Variants in RAB2A observed in about 807,000 individuals in gnomAD.
The protein encoded by RAB2A is RAB2A, member RAS oncogene family, also known as ras-related protein Rab-2A.
RAB2A carries 7 observed loss-of-function variants against 32.5 expected under a neutral mutation model. The observed-to-expected ratio is 0.22, with a 90% CI of 0.12 to 0.40. The LOEUF (loss-of-function observed/expected upper bound fraction) is 0.40, where lower values mean the gene tolerates loss of function less well. RAB2A is among the 10% of genes least tolerant of loss of function. The pLI is 1.00. For synonymous variants in RAB2A, 79 were observed against 85.2 expected (o/e 0.93, Z 0.40); for missense variants, 108 against 260.7 (o/e 0.41, Z 4.03).
At chr8:60,547,574 G>T (rs1454259471) in intron 1 of RAB2A, among the ~76,000 whole-genome samples, 26 of 145,516 alleles carry the variant, frequency 1.8e-4, no homozygotes, top group South Asian at 4.5e-4. Context: ...CTGGGCAGAG[G>T]GGCTCCTCAC....
chr8:60,540,875 A>G (rs981675686), intron 1 of RAB2A, among the ~76,000 whole-genome samples: 6 of 152,250 alleles, frequency 3.9e-5, no homozygotes, highest in African/African-American at 1.4e-4. Flanking sequence ...AGATGACATT[A>G]TATAAGACAC....
intron 1 of RAB2A, among the ~76,000 whole-genome samples, chr8:60,534,233 A>G (rs964739140): frequency 1.3e-5 from 2 of 152,250 alleles, no homozygotes; most frequent in East Asian, 1.9e-4. Context: ...TGCCAGTACT[A>G]TGTTGTGACA....
chr8:60,581,101 T>C (rs564278710), intron 3 of RAB2A, among the ~76,000 whole-genome samples: 10 of 152,228 alleles, frequency 6.6e-5, no homozygotes, highest in Admixed American at 6.5e-4. Context: ...TGCTGAACTC[T>C]ATATATACTA....
Position 60,592,008 on chromosome 8 carries a change from TA to T in RAB2A, c.474+41del, listed in dbSNP as rs994127590. On this transcript the variant is annotated intron_variant, in intron 6 of 7. Transcript: ENST00000262646. ...CCTTTAAAATCTTCATCTTTATACT[TA>T]ATAGAAATGTTTTATATATCTTCAT... 5 of 1,218,224 alleles carry T rather than the reference TA, an allele frequency of 4.1e-6. No individual in the cohort carries two copies. In the African/African-American group the frequency reaches 7.7e-5, roughly 19 times the overall value. 75.5% of individuals were successfully genotyped at this position (1,218,224 alleles called of 1,614,324 possible).
At chr8:60,606,143 C>T (rs894420063) in intron 6 of RAB2A, among the ~76,000 whole-genome samples, 5 of 150,712 alleles carry the variant, frequency 3.3e-5, no homozygotes, top group African/African-American at 5.0e-5. Context: ...AGTGAGACTC[C>T]GTCTTAGAAA....
chr8:60,523,862 TTG>T (rs2130805404), intron 1 of RAB2A, among the ~76,000 whole-genome samples: 1 of 152,112 alleles, frequency 6.6e-6, no homozygotes, highest in East Asian at 1.9e-4. Flanking sequence ...GGCTAATTTT[TTG>T]TGTTTTTAGT....
chr8:60,582,377 A>G (rs1380034625), intron 3 of RAB2A, among the ~76,000 whole-genome samples: 3 of 152,076 alleles, frequency 2.0e-5, no homozygotes, highest in Admixed American at 6.5e-5. Flanking sequence ...TCTAATTGTT[A>G]TTTTCCACAT....
intron 3 of RAB2A, among the ~76,000 whole-genome samples, chr8:60,579,897 GA>G (rs1470564327): frequency 1.3e-5 from 2 of 152,088 alleles, no homozygotes; most frequent in Non-Finnish European, 2.9e-5. Context: ...AAAGTGCTGG[GA>G]TTACAGGCGT....
intron 1 of RAB2A, among the ~76,000 whole-genome samples, chr8:60,538,647 G>A (rs985666955): frequency 6.6e-6 from 1 of 152,202 alleles, no homozygotes; most frequent in Non-Finnish European, 1.5e-5. Flanking sequence ...GGGCTGGACA[G>A]CTGCCCTCTT....
intron 6 of RAB2A, among the ~76,000 whole-genome samples, chr8:60,600,074 AAAAAAAC>A (rs1414336123): frequency 6.6e-6 from 1 of 152,100 alleles, no homozygotes; most frequent in Non-Finnish European, 1.5e-5. Flanking sequence ...AGTAAAAAAA[AAAAAAAC>A]AATGCAATTA....
chr8:60,558,290 A>G (rs1223851221), intron 1 of RAB2A: 1 of 414,366 alleles, frequency 2.4e-6, no homozygotes, highest in Non-Finnish European at 4.7e-6. Flanking sequence ...TTTTCCTTTG[A>G]ATTTAGAAAT....
At chr8:60,607,207 A>G (rs1804247700) in intron 6 of RAB2A, among the ~76,000 whole-genome samples, 1 of 148,896 alleles carries the variant, frequency 6.7e-6, no homozygotes, top group East Asian at 2.0e-4. Flanking sequence ...AGGCGGGCAG[A>G]TCACAAGGTC....
chr8:60,552,001 GTTTT>G, intron 1 of RAB2A: 1 of 106,998 alleles, frequency 9.3e-6, no homozygotes, highest in Non-Finnish European at 1.8e-5. Flanking sequence ...GTAGCTGGGA[GTTTT>G]TTTTTTTTTT....
chr8:60,620,719 A>G lies in RAB2A; in HGVS notation c.589A>G (p.Thr197Ala). 6.2e-7 allele frequency: 1 copy of G among 1,613,942 alleles called. No individual in the cohort carries two copies. Among genetic ancestry groups the G allele is most frequent in the Non-Finnish European group, 8.5e-7 (1 of 1,179,988 alleles). The change falls in exon 8 of 8, where the codon ACA becomes GCA. Residue 197 changes from threonine to alanine, a missense_variant. Thr to Ala is a moderately conservative substitution (Grantham distance 58, BLOSUM62 0). Transcript: ENST00000262646. Reference sequence around the variant, plus strand: ...CCCTCAGCATGCTGCTACCAATGCAACACATGCAGGCAATCAGGGAGGACA... The same window carrying G: ...CCCTCAGCATGCTGCTACCAATGCAGCACATGCAGGCAATCAGGGAGGACA... ...IGPQHAATNA[T>A]HAGNQGGQQA...
At chr8:60,526,746 A>G (rs1213378987) in intron 1 of RAB2A, among the ~76,000 whole-genome samples, 3 of 152,104 alleles carry the variant, frequency 2.0e-5, no homozygotes, top group African/African-American at 7.2e-5. Flanking sequence ...AGGCGGGTGG[A>G]TTGCTTGCGC....
rs763325924 is a variant in RAB2A, at chr8:60,558,940, G to A, written c.118+17G>A. The A allele has an allele frequency of 1.9e-6, 3 of 1,583,914 alleles. No individual in the cohort carries two copies. Among genetic ancestry groups the A allele is most frequent in the South Asian group, 2.2e-5 (2 of 89,484 alleles). On this transcript the variant is annotated intron_variant, in intron 2 of 7. Coordinates refer to ENST00000262646, the MANE Select transcript of RAB2A (RefSeq NM_002865.3). ...TTACTATTGGTAAGTTTTATAAAAG[G>A]GATGAGAAGCACTAAAAGTTTTGGA...
At chr8:60,529,113 T>A (rs569043964) in intron 1 of RAB2A, among the ~76,000 whole-genome samples, 1 of 152,288 alleles carries the variant, frequency 6.6e-6, no homozygotes, top group South Asian at 2.1e-4. Context: ...GTCTTTTTCT[T>A]CTTTTTTAAA....
Position 60,524,022 on chromosome 8 carries a change from C to T in RAB2A, c.46+6769C>T, listed in dbSNP as rs562799366. ...TAGCTCTTTTCTGTCTGTTTTCTAACCCAGTTTATTTACTACTTCCTCCCC... is the reference window on the plus strand; with the variant it reads ...TAGCTCTTTTCTGTCTGTTTTCTAATCCAGTTTATTTACTACTTCCTCCCC... On this transcript the variant is annotated intron_variant, in intron 1 of 7. Coordinates refer to ENST00000262646, the MANE Select transcript of RAB2A (RefSeq NM_002865.3). 2.0e-5 allele frequency among the ~76,000 whole-genome samples: 3 copies of T among 152,228 alleles called. No homozygotes were observed. The South Asian group carries it at 6.2e-4, about 32-fold the overall frequency.
At chr8:60,516,958 G>T, upstream of RAB2A, 1 of 396,726 alleles carries the variant, frequency 2.5e-6, no homozygotes, top group Non-Finnish European at 4.5e-6. Flanking sequence ...TCGGCGCGGA[G>T]GCGGGGCGGA....
Sources: gnomAD v4.1 joint callset for allele counts (sites outside exome capture counted in the v4.1 genomes callset) on GRCh38, gnomAD v4.1.1 for gene constraint, MANE v1.5 for transcripts, NCBI Gene and HGNC (gene_info 2026-07-23, HGNC 2026-07-21) for gene names.